The following PRKRA variants were observed in gnomAD, a reference collection of about 807,000 sequenced individuals.
PRKRA encodes the protein interferon-inducible double-stranded RNA-dependent protein kinase activator A.
Under a neutral mutation model 32.4 loss-of-function variants are expected in PRKRA, and 22 were observed. That is an observed-to-expected ratio of 0.68 (90% CI 0.49 to 0.97). The LOEUF is 0.97. Among genes scored for constraint, PRKRA ranks in the 50% least tolerant of loss-of-function variants. The probability of loss-of-function intolerance (pLI) is 0.00; values close to 1 mark genes in which losing one functional copy is unlikely to be tolerated. For missense variants in PRKRA, 319 were observed against 375.6 expected (o/e 0.85, Z 1.25); for synonymous variants, 139 against 129.8 (o/e 1.07, Z -0.48).
chr2:178,445,356 AG>A (rs1240939051), intron 3 of PRKRA: 2 of 144,778 alleles, frequency 1.4e-5, no homozygotes, highest in Non-Finnish European at 3.0e-5. Flanking sequence ...CACTTCCTCA[AG>A]GTTTTTTTTT....
chr2:178,442,094 A>G (rs554853918), intron 5 of PRKRA, among the ~76,000 whole-genome samples: 8 of 152,210 alleles, frequency 5.3e-5, no homozygotes, highest in East Asian at 3.9e-4. Flanking sequence ...CATGTTGGCC[A>G]GGCTGGTCTC....
chr2:178,449,134 G>C (rs1209320460), intron 2 of PRKRA, among the ~76,000 whole-genome samples: 2 of 152,182 alleles, frequency 1.3e-5, no homozygotes, highest in African/African-American at 4.8e-5. Flanking sequence ...AGAGGGCGTA[G>C]GCAGAACGGT....
Position 178,451,153 on chromosome 2 carries a change from T to TCC in PRKRA, c.-124_-123insGG. 1 of 1,172,864 alleles carries TCC rather than the reference T, an allele frequency of 8.5e-7. No homozygotes were observed. Among genetic ancestry groups the TCC allele is most frequent in the Non-Finnish European group, 1.2e-6 (1 of 852,244 alleles). 72.7% of individuals were successfully genotyped at this position (1,172,864 alleles called of 1,614,324 possible). On this transcript the variant is annotated 5_prime_UTR_variant, in exon 1 of 8. Transcript: ENST00000325748. ...CACCTCCTCCGACTCCCCCGCCTCCTGCTTGCGTTGCTCCAGCGAGGGGGC... is the reference window on the plus strand; with the variant it reads ...CACCTCCTCCGACTCCCCCGCCTCCTCCGCTTGCGTTGCTCCAGCGAGGGGGC...
chr2:178,433,193 G>A (rs759001157), intron 7 of PRKRA, among the ~76,000 whole-genome samples: 22 of 152,010 alleles, frequency 1.4e-4, no homozygotes, highest in Non-Finnish European at 2.4e-4. Context: ...TCAGAACTTC[G>A]TTTCTTTTTA....
chr2:178,440,017 T>C (rs1193952201), intron 6 of PRKRA: 2 of 152,086 alleles, frequency 1.3e-5, no homozygotes, highest in African/African-American at 4.8e-5. Context: ...GTGTATTATG[T>C]TGGTTTTGGA....
In PRKRA at chr2:178,441,660, T is replaced by C; in HGVS notation, c.559A>G (p.Lys187Glu). 1 of 1,612,584 alleles carries C rather than the reference T, an allele frequency of 6.2e-7. No individual in the cohort carries two copies. The highest frequency in any genetic ancestry group is 8.5e-7 in the Non-Finnish European group (1 of 1,178,600). The change falls in exon 6 of 8, where the codon AAA becomes GAA. Residue 187 changes from lysine to glutamate, a missense_variant. Coordinates refer to ENST00000325748, the MANE Select transcript of PRKRA (RefSeq NM_003690.5). The stretch of plus-strand genomic sequence containing the variant: ...ATATTACTAAATTTGGCAAGAAATT[T>C]CTCAGCAGCATTCCTTTTGGCTTGC... ...KKQAKRNAAE[K>E]FLAKFSNISP...
Position 178,451,055 on chromosome 2 carries a change from TG to T in PRKRA, c.-26del, listed in dbSNP as rs773912645. The T allele has an allele frequency of 2.2e-4, 345 of 1,551,788 alleles. No homozygotes were observed. Among genetic ancestry groups the T allele is most frequent in the Non-Finnish European group, 2.9e-4 (335 of 1,153,962 alleles). On this transcript the variant is annotated 5_prime_UTR_variant, in exon 1 of 8. Transcript: ENST00000325748. The stretch of plus-strand genomic sequence containing the variant: ...TGGCGAGAAGGGACGGCTCAGCGGC[TG>T]GAGGAAGAGCGGTGCGGAGCGACGT...
At chr2:178,435,570 A>C (rs917030920) in intron 7 of PRKRA, among the ~76,000 whole-genome samples, 1 of 152,126 alleles carries the variant, frequency 6.6e-6, no homozygotes, top group African/African-American at 2.4e-5. Flanking sequence ...CTATAAATTG[A>C]CTTGGTTCCA....
chr2:178,431,866 ACTCT>A lies in PRKRA; in HGVS notation c.*227_*230del, dbSNP rs1345106676. On this transcript the variant is annotated 3_prime_UTR_variant, in exon 8 of 8. Transcript: ENST00000325748. ...CATGGCACTGTAAAATGGGTGCTAC[ACTCT>A]CTCTTGTGGTACAAAGTTTATAAAT... The A allele has an allele frequency of 1.7e-6, 1 of 579,114 alleles. No individual in the cohort carries two copies. The highest frequency in any genetic ancestry group is 3.0e-5 in the Admixed American group (1 of 33,522). The allele number at this position is 579,114 out of a possible 1,614,324, so 35.9% of individuals were successfully genotyped here.
intron 7 of PRKRA, chr2:178,434,059 A>C (rs1042821994): frequency 3.3e-5 from 5 of 151,722 alleles, no homozygotes; most frequent in African/African-American, 1.2e-4. Flanking sequence ...CCCTCAATGA[A>C]CTGTAGACAG....
At chr2:178,445,943 G>C (rs1039988350) in intron 3 of PRKRA, 2 of 152,340 alleles carry the variant, frequency 1.3e-5, no homozygotes, top group East Asian at 1.9e-4. Context: ...TGTTGGCCAG[G>C]CTGGTCTCGA....
Position 178,451,174 on chromosome 2 carries a change from G to C in PRKRA, c.-144C>G. On this transcript the variant is annotated 5_prime_UTR_variant, in exon 1 of 8. Coordinates refer to ENST00000325748, the MANE Select transcript of PRKRA (RefSeq NM_003690.5). ...CTCCTGCTTGCGTTGCTCCAGCGAGGGGGCAGGCAGGGTGGGGGCGGAGCC... is the reference window on the plus strand; with the variant it reads ...CTCCTGCTTGCGTTGCTCCAGCGAGCGGGCAGGCAGGGTGGGGGCGGAGCC... The C allele has an allele frequency of 3.6e-6, 3 of 843,960 alleles. No homozygotes were observed. Among genetic ancestry groups the C allele is most frequent in the Non-Finnish European group, 5.3e-6 (3 of 568,814 alleles). 52.3% of individuals were successfully genotyped at this position (843,960 alleles called of 1,614,324 possible). A position where few individuals can be genotyped will look rare whatever the true frequency, so the allele number is the denominator to read the frequency against.
At chr2:178,446,359 C>T (rs1005703118) in intron 3 of PRKRA, among the ~76,000 whole-genome samples, 1 of 152,224 alleles carries the variant, frequency 6.6e-6, no homozygotes, top group African/African-American at 2.4e-5. Context: ...AATCAAGCAT[C>T]ATCTTGTGAA....
intron 3 of PRKRA, among the ~76,000 whole-genome samples, chr2:178,447,042 GAATT>G (rs1263466274): frequency 1.5e-5 from 2 of 136,940 alleles, no homozygotes; most frequent in South Asian, 2.4e-4. Context: ...GATATGTCAA[GAATT>G]AATATCCCAC....
intron 6 of PRKRA, among the ~76,000 whole-genome samples, chr2:178,436,807 G>A (rs530430258): frequency 2.6e-5 from 4 of 151,874 alleles, no homozygotes; most frequent in African/African-American, 9.7e-5. Flanking sequence ...AAATGTGCGC[G>A]TTGGGTTTGA....
At chr2:178,450,710 G>T in intron 1 of PRKRA, 1 of 1,395,374 alleles carries the variant, frequency 7.2e-7, no homozygotes, top group Non-Finnish European at 9.3e-7. Context: ...AAAACCTGAC[G>T]ATCCCTTCCC....
chr2:178,450,474 A>C (rs1559361205), intron 1 of PRKRA, 63 bp from the exon 2 acceptor site: 1 of 1,318,722 alleles, frequency 7.6e-7, no homozygotes, highest in Non-Finnish European at 1.0e-6. Flanking sequence ...AGAAGCGTAG[A>C]GGCCAGTTTT....
chr2:178,450,694 T>A, intron 1 of PRKRA: 2 of 1,412,048 alleles, frequency 1.4e-6, no homozygotes, highest in Non-Finnish European at 1.8e-6. Context: ...CCGCAGCCTC[T>A]CAGGGAAAAC....
chr2:178,443,703 C>A, intron 4 of PRKRA: 1 of 270,072 alleles, frequency 3.7e-6, no homozygotes, highest in Non-Finnish European at 7.3e-6. Flanking sequence ...AGACCATCTA[C>A]AGGTTTCACT....
Sources: allele counts gnomAD v4.1 joint callset (sites outside exome capture counted in the v4.1 genomes callset), GRCh38; gene constraint gnomAD v4.1.1; transcripts MANE v1.5; gene names NCBI Gene and HGNC (gene_info 2026-07-23, HGNC 2026-07-21).